CHD7: variants seen among roughly 807,000 people sequenced by gnomAD.
The protein encoded by CHD7 is ATP-dependent chromatin remodeler CHD7.
Under a neutral mutation model 307.3 loss-of-function variants are expected in CHD7, and 24 were observed. That is an observed-to-expected ratio of 0.08 (90% CI 0.06 to 0.11). The LOEUF (loss-of-function observed/expected upper bound fraction) is 0.11. CHD7 is among the 10% of genes least tolerant of loss of function. The probability of loss-of-function intolerance (pLI) is 1.00; values close to 1 mark genes in which losing one functional copy is unlikely to be tolerated. For synonymous variants in CHD7, 1,363 were observed against 1,349.9 expected, an observed-to-expected ratio of 1.01 and a Z score of -0.21; for missense variants, 3,106 against 3,727.1, an observed-to-expected ratio of 0.83 and a Z score of 4.34.
At chr8:60,771,699 G>A (rs187867785) in intron 2 of CHD7, among the ~76,000 whole-genome samples, 1 of 30,668 alleles carries the variant, frequency 3.3e-5, no homozygotes, top group African/African-American at 1.0e-4. Context: ...AGGAATCCAT[G>A]TTCAGATTCA....
chr8:60,738,744 A>G (rs1206863951), intron 1 of CHD7, among the ~76,000 whole-genome samples: 2 of 152,164 alleles, frequency 1.3e-5, no homozygotes, highest in African/African-American at 4.8e-5. Flanking sequence ...AGCGGTCACT[A>G]ATGGCAGACT....
chr8:60,842,793 C>G (rs1805030065), intron 21 of CHD7, among the ~76,000 whole-genome samples: 1 of 152,208 alleles, frequency 6.6e-6, no homozygotes, highest in African/African-American at 2.4e-5. Flanking sequence ...AGAGTAAACA[C>G]AAACATATGC....
rs375586969 is a variant in CHD7 at position 60,856,588 on chromosome 8, T to A, written c.7308T>A (p.Asn2436Lys). 2 of 1,613,896 alleles carry A rather than the reference T, an allele frequency of 1.2e-6. No homozygotes were observed. Among genetic ancestry groups the A allele is most frequent in the Non-Finnish European group, 1.7e-6 (2 of 1,179,866 alleles). Residue 2436 changes from asparagine to lysine, a missense_variant, in exon 34 of 38, where the codon AAT becomes AAA. Transcript: ENST00000423902. ...GAGAGTCTCAGGTGGTCTCAGAAAA[T>A]GGACAAGAAAAAGTTGTAGATTTAT... ...QLRESQVVSENGQEKVVDLSK... is the reference protein window; with the variant it reads ...QLRESQVVSEKGQEKVVDLSK...
At position 60,849,073 on chromosome 8, in the gene CHD7, G is replaced by A. The variant is rs1416086452; in HGVS notation, c.5323G>A (p.Glu1775Lys). 1.6e-5 allele frequency: 26 copies of A among 1,613,644 alleles called. No homozygotes were observed. The highest frequency in any genetic ancestry group is 2.2e-5 in the Non-Finnish European group (26 of 1,179,632). ...DSSEADVWIP[E>K]PFHAEVPADW... is the part of the protein sequence containing the mutation. The stretch of plus-strand genomic sequence containing the variant: ...CAGTGAAGCCGATGTGTGGATCCCT[G>A]AACCTTTCCATGCTGAAGTTCCTGC... The change falls in exon 25 of 38, where the codon GAA (glutamate) becomes AAA (lysine). Residue 1775 changes from glutamate to lysine, a missense_variant. By Grantham distance (56) the Glu-to-Lys change is moderately conservative (BLOSUM62 1). Around this residue, in one of 10 missense-constraint regions of CHD7, gnomAD observed 1,030 missense variants for 1,165.4 expected, o/e 0.88. Coordinates refer to ENST00000423902, the MANE Select transcript of CHD7 (RefSeq NM_017780.4).
At chr8:60,735,773 T>A (rs541014391) in intron 1 of CHD7, among the ~76,000 whole-genome samples, 1 of 152,338 alleles carries the variant, frequency 6.6e-6, no homozygotes, top group South Asian at 2.1e-4. Context: ...TTAAACATGT[T>A]ACCTCTAAGA....
intron 1 of CHD7, among the ~76,000 whole-genome samples, chr8:60,685,916 C>A (rs951161252): frequency 3.9e-5 from 6 of 152,092 alleles, no homozygotes; most frequent in Admixed American, 6.5e-5. Context: ...TGTTTGCCAG[C>A]TAATATGGGT....
chr8:60,755,040 A>G (rs189308320), intron 2 of CHD7, among the ~76,000 whole-genome samples: 19 of 152,308 alleles, frequency 1.2e-4, no homozygotes, highest in African/African-American at 2.2e-4. Flanking sequence ...ACTTTAGTGG[A>G]TGGGTTCCTG....
intron 3 of CHD7, among the ~76,000 whole-genome samples, chr8:60,785,808 C>CA (rs1237945196): frequency 6.6e-6 from 1 of 151,948 alleles, no homozygotes; most frequent in Non-Finnish European, 1.5e-5. Context: ...ATTAAACCCT[C>CA]AGCCTTCCTT....
chr8:60,859,660 G>A (rs1203153716), intron 34 of CHD7, among the ~76,000 whole-genome samples: 1 of 152,158 alleles, frequency 6.6e-6, no homozygotes, highest in African/African-American at 2.4e-5. Context: ...TGTAGTAGTT[G>A]GTCATTTTAA....
At chr8:60,830,820 G>A (rs1804478258) in intron 15 of CHD7, among the ~76,000 whole-genome samples, 1 of 152,148 alleles carries the variant, frequency 6.6e-6, no homozygotes, top group Admixed American at 6.5e-5. Context: ...ACCTCCCTGT[G>A]CTTGAAAAGA....
At chr8:60,701,170 G>A (rs747334363) in intron 1 of CHD7, among the ~76,000 whole-genome samples, 21 of 152,218 alleles carry the variant, frequency 1.4e-4, no homozygotes, top group Non-Finnish European at 2.9e-4. Flanking sequence ...TTCGTGAGCA[G>A]CAGCAACAGT....
At chr8:60,710,156 A>G (rs1211989780) in intron 1 of CHD7, among the ~76,000 whole-genome samples, 1 of 151,750 alleles carries the variant, frequency 6.6e-6, no homozygotes, top group Non-Finnish European at 1.5e-5. Flanking sequence ...GGAAGAGGGT[A>G]TTCAAGAAAG....
At chr8:60,794,688 T>C (rs766136962) in intron 3 of CHD7, among the ~76,000 whole-genome samples, 2 of 152,214 alleles carry the variant, frequency 1.3e-5, no homozygotes, top group Non-Finnish European at 2.9e-5. Flanking sequence ...AAACTACTTC[T>C]TAATCTGATT....
At chr8:60,714,967 G>C (rs1807514063) in intron 1 of CHD7, among the ~76,000 whole-genome samples, 1 of 152,246 alleles carries the variant, frequency 6.6e-6, no homozygotes, top group Non-Finnish European at 1.5e-5. Context: ...AGGGGCAGGA[G>C]GGAATATTCT....
chr8:60,848,906 C>T, intron 24 of CHD7, 145 bp from the exon 25 acceptor site: 1 of 707,470 alleles, frequency 1.4e-6, no homozygotes. Context: ...GCTACTGACT[C>T]ATGCCCTTTC....
In CHD7 at chr8:60,756,987, G is replaced by T. The variant is rs188864434; in HGVS notation, c.1665+13890G>T. 2.9e-3 allele frequency among the ~76,000 whole-genome samples: 447 copies of T among 152,314 alleles called. 5 individuals carry two copies. Among genetic ancestry groups the T allele is most frequent in the Non-Finnish European group, 2.5e-3 (171 of 68,020 alleles). On this transcript the variant is annotated intron_variant, in intron 2 of 37. Coordinates refer to ENST00000423902, the MANE Select transcript of CHD7 (RefSeq NM_017780.4). Reference sequence around the variant, plus strand: ...TTACATCTTATTGCTGGAGAGAAGAGCTCCATTCTTTGAAAACCAGAAAAG... The same window carrying T: ...TTACATCTTATTGCTGGAGAGAAGATCTCCATTCTTTGAAAACCAGAAAAG...
intron 31 of CHD7, 69 bp downstream of exon 31, chr8:60,853,569 C>T (rs1224589805): frequency 6.5e-6 from 8 of 1,234,170 alleles, no homozygotes; most frequent in Non-Finnish European, 8.9e-6. Flanking sequence ...TGCTTTCTGG[C>T]AGCACGGCAC....
In CHD7 at chr8:60,742,160, C is replaced by T; in HGVS notation, c.728C>T (p.Pro243Leu). The change falls in exon 2 of 38, where the codon CCC becomes CTC. Residue 243 changes from proline (P) to leucine (L), a missense_variant. By Grantham distance (98) the Pro-to-Leu change is moderately conservative (BLOSUM62 -3). This residue lies in a region of CHD7 where 998 missense variants were observed against 1,004.5 expected (regional missense o/e 0.99). Transcript: ENST00000423902. ...TTGTCCCACGTGCCCCAGCAGAGTC[C>T]CAGCATGGCACCTTCCTTGCGTCAC... ...GHLSHVPQQS[P>L]SMAPSLRHSV... is the part of the protein sequence containing the mutation. 3 of 1,613,928 alleles carry T rather than the reference C, an allele frequency of 1.9e-6. No individual in the cohort carries two copies. The highest frequency in any genetic ancestry group is 2.5e-6 in the Non-Finnish European group (3 of 1,179,884).
At chr8:60,816,620 C>A in intron 8 of CHD7, 119 bp downstream of exon 8, 1 of 624,432 alleles carries the variant, frequency 1.6e-6, no homozygotes, top group South Asian at 2.1e-5. Context: ...TGTCAACTTG[C>A]ATATTGGTAA....
Sources: allele counts gnomAD v4.1 joint callset (sites outside exome capture counted in the v4.1 genomes callset), GRCh38; gene constraint gnomAD v4.1.1; regional missense constraint gnomAD v4.1.1; transcripts MANE v1.5; gene names NCBI Gene and HGNC (gene_info 2026-07-23, HGNC 2026-07-21).